Variants in TBC1D2B observed in about 807,000 individuals in gnomAD.
The protein encoded by TBC1D2B is TBC1 domain family, member 2B.
In TBC1D2B, 64 loss-of-function variants were observed where a neutral mutation model predicts 100.8. The observed-to-expected ratio is 0.64, with a 90% CI of 0.52 to 0.78. The LOEUF is 0.78. Among genes scored for constraint, TBC1D2B ranks in the 30% least tolerant of loss-of-function variants. The probability of loss-of-function intolerance (pLI) is 0.00; values close to 1 mark genes in which losing one functional copy is unlikely to be tolerated. For missense variants in TBC1D2B, 1,052 were observed against 1,218.4 expected (o/e 0.86, Z 2.03); for synonymous variants, 480 against 479.7 (o/e 1.00, Z -0.01).
At chr15:77,999,350 C>A (rs759150880) in intron 12 of TBC1D2B, 85 of 451,820 alleles carry the variant, frequency 1.9e-4, no homozygotes, top group Non-Finnish European at 3.3e-4. Context: ...AAGGCACACA[C>A]GAGGGTGCAA....
chr15:77,999,989 T>C (rs1190764791), intron 12 of TBC1D2B, among the ~76,000 whole-genome samples: 1 of 152,220 alleles, frequency 6.6e-6, no homozygotes, highest in East Asian at 1.9e-4. Context: ...TCCCTCCCTG[T>C]GTTTCTGAAG....
At chr15:78,017,990 A>C in intron 6 of TBC1D2B, 33 bp from the exon 7 acceptor site, 6 of 1,213,900 alleles carry the variant, frequency 4.9e-6, no homozygotes, top group Non-Finnish European at 7.1e-6. Flanking sequence ...CTGAATTCAC[A>C]TTGGTTGAAT....
In TBC1D2B at chr15:78,031,532, C is replaced by T. The variant is rs181806226; in HGVS notation, c.684-1362G>A. ...TCACCCCACTGCACTCCAGCCTGGG[C>T]GATAGAGCAAGACTCTGTCTCCAAA... On this transcript the variant is annotated intron_variant, in intron 3 of 12. Transcript: ENST00000300584. 1.5e-3 allele frequency among the ~76,000 whole-genome samples: 165 copies of T among 108,570 alleles called. 1 individual carries two copies. Among genetic ancestry groups the T allele is most frequent in the Non-Finnish European group, 2.4e-3 (140 of 59,408 alleles). 71.2% of individuals were successfully genotyped at this position (108,570 alleles called of 152,430 possible).
chr15:78,073,482 A>T (rs1213358652), intron 1 of TBC1D2B, among the ~76,000 whole-genome samples: 1 of 152,164 alleles, frequency 6.6e-6, no homozygotes, highest in Non-Finnish European at 1.5e-5. Context: ...CTAAATCCTA[A>T]CTTAAAATCC....
intron 3 of TBC1D2B, among the ~76,000 whole-genome samples, chr15:78,039,758 AC>A (rs2141751808): frequency 8.7e-6 from 1 of 114,390 alleles, no homozygotes; most frequent in East Asian, 3.5e-4. Flanking sequence ...TACTACACAC[AC>A]ACACACACAC....
In TBC1D2B at chr15:78,000,885, C is replaced by G. The variant is rs1203965675; in HGVS notation, c.2696+734G>C. On this transcript the variant is annotated intron_variant, in intron 12 of 12. Transcript: ENST00000300584. ...CCCCCCTTCTCCATCTGTGGGACCA[C>G]CTACCTCCAGGCCACCACCTCTCCC... is the stretch of plus-strand genomic sequence containing the variant. 2.6e-5 allele frequency among the ~76,000 whole-genome samples: 4 copies of G among 152,356 alleles called. No individual in the cohort carries two copies. The South Asian group carries it at 8.3e-4, about 32-fold the overall frequency.
chr15:78,021,616 G>A (rs1432817938), intron 6 of TBC1D2B, among the ~76,000 whole-genome samples: 2 of 152,204 alleles, frequency 1.3e-5, no homozygotes, highest in Non-Finnish European at 2.9e-5. Context: ...CATGGACCCA[G>A]GCAGGCCTCA....
At chr15:78,036,635 TG>T (rs2072952227) in intron 3 of TBC1D2B, among the ~76,000 whole-genome samples, 1 of 152,204 alleles carries the variant, frequency 6.6e-6, no homozygotes, top group Admixed American at 6.5e-5. Context: ...CTGGAGCCTC[TG>T]AAGAAAGCAG....
intron 1 of TBC1D2B, among the ~76,000 whole-genome samples, chr15:78,061,361 C>T (rs955490879): frequency 1.3e-5 from 2 of 151,810 alleles, no homozygotes; most frequent in African/African-American, 4.8e-5. Context: ...TCGCTTGAAC[C>T]GAGGAGTTCA....
At position 78,016,660 on chromosome 15, in the gene TBC1D2B, C is replaced by T. The variant is rs754520384; in HGVS notation, c.1661G>A (p.Cys554Tyr). The change falls in exon 8 of 13, where the codon TGC becomes TAC. Residue 554 changes from cysteine (C) to tyrosine (Y), a missense_variant. Cys to Tyr is a radical substitution (Grantham distance 194). This residue lies in a region of TBC1D2B where 373 missense variants were observed against 464.9 expected (regional missense o/e 0.80). Transcript: ENST00000300584. ...CCGGGTGGGCCCCTGGTCTTCTGAG[C>T]ACACTGGTGTCTTCATTTCTTGGAG... ...ILLQEMKTPV[C>Y]SEDQGPTREV... is the part of the protein sequence containing the mutation. 1.9e-6 allele frequency: 3 copies of T among 1,608,708 alleles called. No homozygotes were observed. In the South Asian group the frequency reaches 3.3e-5, roughly 18 times the overall value.
intron 3 of TBC1D2B, chr15:78,034,685 C>G: frequency 1.0e-6 from 1 of 985,460 alleles, no homozygotes; most frequent in Non-Finnish European, 1.2e-6. Flanking sequence ...CTGCCGTGCT[C>G]TCACCTGCAG....
At chr15:78,020,376 G>T (rs141668120) in intron 6 of TBC1D2B, among the ~76,000 whole-genome samples, 11 of 152,176 alleles carry the variant, frequency 7.2e-5, no homozygotes, top group Non-Finnish European at 1.6e-4. Context: ...TTGTGTTACA[G>T]TCTAAGTAAG....
At chr15:78,005,212 G>A (rs1312956750) in intron 10 of TBC1D2B, among the ~76,000 whole-genome samples, 1 of 152,190 alleles carries the variant, frequency 6.6e-6, no homozygotes, top group African/African-American at 2.4e-5. Context: ...GCCAGGAAAC[G>A]CTTGCTCTGG....
chr15:78,035,607 T>C (rs561333397), intron 3 of TBC1D2B, among the ~76,000 whole-genome samples: 50 of 151,874 alleles, frequency 3.3e-4, no homozygotes, highest in Middle Eastern at 3.4e-3. Flanking sequence ...AGGGAGGAGG[T>C]TGTGTGGGGG....
chr15:77,995,335 T>G lies in TBC1D2B; in HGVS notation c.*2825A>C, dbSNP rs1317103498. Reference sequence around the variant, plus strand: ...TACTTCCGATATCAATATACCGTAGTTGAAACCAGAACCGTCTCCAGCTGT... The same window carrying G: ...TACTTCCGATATCAATATACCGTAGGTGAAACCAGAACCGTCTCCAGCTGT... On this transcript the variant is annotated 3_prime_UTR_variant, in exon 13 of 13. Coordinates refer to ENST00000300584, the MANE Select transcript of TBC1D2B (RefSeq NM_144572.2). The G allele has an allele frequency of 6.6e-6, 1 of 152,280 alleles. No individual in the cohort carries two copies. The highest frequency in any genetic ancestry group is 1.5e-5 in the Non-Finnish European group (1 of 68,056). 9.4% of individuals were successfully genotyped at this position (152,280 alleles called of 1,614,324 possible). A position where few individuals can be genotyped will look rare whatever the true frequency, so the allele number is the denominator to read the frequency against.
intron 1 of TBC1D2B, among the ~76,000 whole-genome samples, chr15:78,076,705 C>G (rs1320327234): frequency 6.6e-6 from 1 of 152,106 alleles, no homozygotes; most frequent in Non-Finnish European, 1.5e-5. Flanking sequence ...GAGCCGAGAT[C>G]GCACCCCTGC....
chr15:78,015,483 T>C (rs1248635934), intron 8 of TBC1D2B, among the ~76,000 whole-genome samples: 1 of 152,216 alleles, frequency 6.6e-6, no homozygotes, highest in Non-Finnish European at 1.5e-5. Flanking sequence ...AAAACGCTTT[T>C]GCATGGGAAG....
intron 2 of TBC1D2B, among the ~76,000 whole-genome samples, chr15:78,046,419 T>C (rs1009076400): frequency 1.3e-5 from 2 of 152,228 alleles, no homozygotes; most frequent in Non-Finnish European, 2.9e-5. Flanking sequence ...TTAAAATATC[T>C]CTATATCAAC....
At chr15:77,998,668 A>C in intron 12 of TBC1D2B, 1 of 291,698 alleles carries the variant, frequency 3.4e-6, no homozygotes, top group Non-Finnish European at 6.4e-6. Context: ...GCCACCTCCT[A>C]GGGTGTGGGA....
Sources: allele counts gnomAD v4.1 joint callset (sites outside exome capture counted in the v4.1 genomes callset), GRCh38; gene constraint gnomAD v4.1.1; regional missense constraint gnomAD v4.1.1; transcripts MANE v1.5; gene names NCBI Gene and HGNC (gene_info 2026-07-23, HGNC 2026-07-21).